CHODL: variants seen among roughly 807,000 people sequenced by gnomAD.
CHODL encodes chondrolectin.
In CHODL, 29 loss-of-function variants were observed where a neutral mutation model predicts 34.5. The observed-to-expected ratio is 0.84, with a 90% CI of 0.63 to 1.15. The LOEUF (loss-of-function observed/expected upper bound fraction) is 1.15, where lower values mean the gene tolerates loss of function less well. Ranked by LOEUF, CHODL falls within the 50% of genes most tolerant of loss-of-function variation. The probability of loss-of-function intolerance (pLI) is 0.00; values close to 1 mark genes in which losing one functional copy is unlikely to be tolerated. For missense variants in CHODL, 332 were observed against 332.5 expected (o/e 1.00, Z 0.01); for synonymous variants, 125 against 116.1 (o/e 1.08, Z -0.49).
rs752464313 is a variant in CHODL, at chr21:18,257,072, G to A, written c.492G>A (p.Gln164=). 1 of 1,613,920 alleles carries A rather than the reference G, an allele frequency of 6.2e-7. No homozygotes were observed. Among genetic ancestry groups the A allele is most frequent in the Admixed American group, 1.7e-5 (1 of 60,006 alleles). ...NPGLGGPYLY[Q]WNDDRCNMKH... ...GCCTTGGGGGTCCCTACCTTTACCA[G>A]TGGAATGATGACAGGTGTAACATGA... Residue 164 remains glutamine (Q), a synonymous_variant, in exon 3 of 6, where the codon CAG becomes CAA. Coordinates refer to ENST00000299295, the MANE Select transcript of CHODL (RefSeq NM_024944.3).
chr21:18,130,354 A>AG (rs2072640023), intron 2 of CHODL, among the ~76,000 whole-genome samples: 1 of 152,244 alleles, frequency 6.6e-6, no homozygotes, highest in Admixed American at 6.5e-5. Context: ...TCATCCACAT[A>AG]GGTGGCTGGT....
intron 1 of CHODL, among the ~76,000 whole-genome samples, chr21:18,007,111 T>C (rs908863527): frequency 1.3e-5 from 2 of 152,110 alleles, no homozygotes; most frequent in Non-Finnish European, 2.9e-5. Context: ...AAAGAATACG[T>C]GTGGAATTGA....
intron 1 of CHODL, among the ~76,000 whole-genome samples, chr21:18,014,611 G>A (rs1259179656): frequency 6.6e-6 from 1 of 152,178 alleles, no homozygotes; most frequent in Non-Finnish European, 1.5e-5. Context: ...GCTTGGTGCT[G>A]TCCTTGCAAT....
At chr21:18,159,946 T>C (rs2073076853) in intron 2 of CHODL, among the ~76,000 whole-genome samples, 1 of 152,214 alleles carries the variant, frequency 6.6e-6, no homozygotes, top group Non-Finnish European at 1.5e-5. Context: ...AAGGAACACA[T>C]TTTTGCTAAC....
intron 2 of CHODL, among the ~76,000 whole-genome samples, chr21:18,102,180 G>T (rs2065223473): frequency 6.6e-6 from 1 of 152,150 alleles, no homozygotes; most frequent in Non-Finnish European, 1.5e-5. Flanking sequence ...AACTGAGTTT[G>T]CCATTCTTGG....
chr21:18,081,305 TC>T (rs2064938820), intron 2 of CHODL, among the ~76,000 whole-genome samples: 1 of 152,162 alleles, frequency 6.6e-6, no homozygotes, highest in Non-Finnish European at 1.5e-5. Flanking sequence ...CTTACTCTTT[TC>T]CAATTTGGAT....
At chr21:18,194,778 A>G (rs2146698251) in intron 2 of CHODL, among the ~76,000 whole-genome samples, 1 of 152,132 alleles carries the variant, frequency 6.6e-6, no homozygotes, top group South Asian at 2.1e-4. Context: ...TTTAAGATCT[A>G]TTCCTTAGGA....
chr21:18,007,650 C>T (rs1320660660), intron 1 of CHODL, among the ~76,000 whole-genome samples: 1 of 152,130 alleles, frequency 6.6e-6, no homozygotes, highest in Non-Finnish European at 1.5e-5. Context: ...CAGGAACTCC[C>T]TAAATCGAAC....
At chr21:17,948,097 A>G (rs2146338618) in intron 1 of CHODL, among the ~76,000 whole-genome samples, 1 of 152,308 alleles carries the variant, frequency 6.6e-6, no homozygotes, top group Admixed American at 6.5e-5. Context: ...GTAGCTAAAT[A>G]AGGGTAGACA....
intron 2 of CHODL, among the ~76,000 whole-genome samples, chr21:18,103,914 C>T (rs1358361613): frequency 6.6e-6 from 1 of 152,126 alleles, no homozygotes. Flanking sequence ...TAGACCTCAC[C>T]TCTTAATCTA....
chr21:18,231,203 C>T (rs908446135), intron 2 of CHODL, among the ~76,000 whole-genome samples: 1 of 152,050 alleles, frequency 6.6e-6, no homozygotes, highest in Non-Finnish European at 1.5e-5. Flanking sequence ...AGCGGTATTC[C>T]AATAAACATT....
chr21:17,952,700 A>G (rs1266299889), intron 1 of CHODL, among the ~76,000 whole-genome samples: 1 of 152,140 alleles, frequency 6.6e-6, no homozygotes, highest in Non-Finnish European at 1.5e-5. Context: ...TGTTTTTAAA[A>G]TGTTCTTATT....
intron 2 of CHODL, among the ~76,000 whole-genome samples, chr21:18,132,738 A>G (rs2072672149): frequency 6.6e-6 from 1 of 152,084 alleles, no homozygotes; most frequent in Non-Finnish European, 1.5e-5. Flanking sequence ...GTTTTTGTAT[A>G]TTAACATGTT....
intron 2 of CHODL, among the ~76,000 whole-genome samples, chr21:18,150,999 C>T (rs562036900): frequency 1.3e-5 from 2 of 148,614 alleles, no homozygotes; most frequent in East Asian, 2.1e-4. Flanking sequence ...CAGCAAATTG[C>T]TTGAACCTGG....
chr21:18,261,360 T>TAAAAA (rs60033114), intron 4 of CHODL, among the ~76,000 whole-genome samples: 1,484 of 137,818 alleles, frequency 0.011, 22 homozygotes, highest in African/African-American at 0.036. Flanking sequence ...TAAAGTATGA[T>TAAAAA]AAAAAAAAAA....
intron 2 of CHODL, among the ~76,000 whole-genome samples, chr21:18,221,488 C>T (rs2073883308): frequency 6.6e-6 from 1 of 152,122 alleles, no homozygotes; most frequent in African/African-American, 2.4e-5. Flanking sequence ...TTGATATGTG[C>T]ACATCTTGTG....
At position 18,029,186 on chromosome 21, in the gene CHODL, G is replaced by A. The variant is rs184945952; in HGVS notation, c.-45+1215G>A. Reference sequence around the variant, plus strand: ...CCTAAAGCAATAGATCTATTTATAGGAATCTCAGCTTTAAATAGCATGAGT... The same window carrying A: ...CCTAAAGCAATAGATCTATTTATAGAAATCTCAGCTTTAAATAGCATGAGT... On this transcript the variant is annotated intron_variant, in intron 2 of 6. Transcript: ENST00000400127. Among the ~76,000 whole-genome samples the A allele has an allele frequency of 9.4e-4, 143 of 152,202 alleles. 1 individual carries two copies. The highest frequency in any genetic ancestry group is 1.4e-3 in the Non-Finnish European group (98 of 68,012).
rs190527064 is a variant in CHODL, at chr21:17,935,271, T to G, written c.-145+17871T>G. On this transcript the variant is annotated intron_variant, in intron 1 of 6. Transcript: ENST00000400127. ...AAAATAGCTATATGATATACACAGATTATCATAATCATTGTCATTTTATAA... is the reference window on the plus strand; with the variant it reads ...AAAATAGCTATATGATATACACAGAGTATCATAATCATTGTCATTTTATAA... Among the ~76,000 whole-genome samples the G allele has an allele frequency of 1.6e-3, 243 of 152,296 alleles. 1 individual carries two copies. The highest frequency in any genetic ancestry group is 5.7e-3 in the African/African-American group (238 of 41,552).
At chr21:18,151,947 G>A (rs559739862) in intron 2 of CHODL, among the ~76,000 whole-genome samples, 31 of 151,936 alleles carry the variant, frequency 2.0e-4, no homozygotes, top group African/African-American at 7.5e-4. Context: ...GTGGTTTTGA[G>A]GGGATACATT....
Sources: allele counts gnomAD v4.1 joint callset (sites outside exome capture counted in the v4.1 genomes callset), GRCh38; gene constraint gnomAD v4.1.1; transcripts MANE v1.5; gene names NCBI Gene and HGNC (gene_info 2026-07-23, HGNC 2026-07-21).